MAGI3: variants seen among roughly 807,000 people sequenced by gnomAD.
The protein encoded by MAGI3 is membrane-associated guanylate kinase, WW and PDZ domain-containing protein 3.
In MAGI3, 43 loss-of-function variants were observed where a neutral mutation model predicts 121.8. The observed-to-expected ratio is 0.35, with a 90% CI of 0.28 to 0.46. MAGI3 has a LOEUF of 0.46. Among genes scored for constraint, MAGI3 ranks in the 20% least tolerant of loss-of-function variants. The pLI is 1.00. For synonymous variants in MAGI3, 553 were observed against 639.3 expected (o/e 0.86, Z 2.04); for missense variants, 1,547 against 1,797.3 (o/e 0.86, Z 2.52).
At position 113,422,396 on chromosome 1, in the gene MAGI3, C is replaced by T. The variant is rs1352098854; in HGVS notation, c.316+31047C>T. ...GGCACCTCTACTTGAGTTTTGCTCG[C>T]ACCTGCTGGGCTCGTTCTGCCCACT... On this transcript the variant is annotated intron_variant, in intron 1 of 20. Transcript: ENST00000307546. This position sits in a 1 kb window ranked among gnomAD's most constrained non-coding sequence, Gnocchi z 4.3. 6.6e-5 allele frequency among the ~76,000 whole-genome samples: 10 copies of T among 152,358 alleles called. No homozygotes were observed. In the South Asian group the frequency reaches 1.0e-3, roughly 16 times the overall value.
intron 9 of MAGI3, among the ~76,000 whole-genome samples, chr1:113,639,262 C>G (rs1042980613): frequency 1.3e-5 from 2 of 152,266 alleles, no homozygotes; most frequent in African/African-American, 4.8e-5. Flanking sequence ...CACTGTCTGG[C>G]ACTCCCTAGT....
At chr1:113,665,036 G>C (rs1187627070) in intron 16 of MAGI3, among the ~76,000 whole-genome samples, 2 of 151,922 alleles carry the variant, frequency 1.3e-5, no homozygotes, top group African/African-American at 2.4e-5. Context: ...TTAAACTCTT[G>C]AGGTTTTATT....
intron 1 of MAGI3, among the ~76,000 whole-genome samples, chr1:113,528,023 T>G (rs1658532077): frequency 6.6e-6 from 1 of 152,156 alleles, no homozygotes; most frequent in Non-Finnish European, 1.5e-5. Context: ...CAAAGTAAAT[T>G]GCAAATTTTA....
chr1:113,506,609 A>C (rs1657341881), intron 1 of MAGI3, among the ~76,000 whole-genome samples: 1 of 152,178 alleles, frequency 6.6e-6, no homozygotes, highest in Non-Finnish European at 1.5e-5. Flanking sequence ...TTTTATCCTC[A>C]AACAACCCTA....
At chr1:113,597,863 C>G (rs1235485978) in intron 6 of MAGI3, among the ~76,000 whole-genome samples, 1 of 152,128 alleles carries the variant, frequency 6.6e-6, no homozygotes, top group Non-Finnish European at 1.5e-5. Context: ...AAAAGGAGTT[C>G]TAAATCTTCA....
At chr1:113,653,447 C>T (rs1653285937) in intron 14 of MAGI3, among the ~76,000 whole-genome samples, 1 of 152,028 alleles carries the variant, frequency 6.6e-6, no homozygotes, top group Non-Finnish European at 1.5e-5. Flanking sequence ...TGGTGGGCAC[C>T]TGTAATCCCA....
Position 113,487,983 on chromosome 1 carries a change from A to G in MAGI3, c.317-61532A>G, listed in dbSNP as rs118074316. On this transcript the variant is annotated intron_variant, in intron 1 of 20. Transcript: ENST00000307546. ...AGGAACAAGCAACTGTAGAAATGGT[A>G]AAGTTATGATAGAGAACAAACTTGT... 1.2e-3 allele frequency among the ~76,000 whole-genome samples: 182 copies of G among 152,340 alleles called. 5 individuals carry two copies. The East Asian group carries it at 0.033, about 28-fold the overall frequency.
chr1:113,623,240 A>G (rs1400544963), intron 9 of MAGI3, among the ~76,000 whole-genome samples: 1 of 151,986 alleles, frequency 6.6e-6, no homozygotes, highest in African/African-American at 2.4e-5. Context: ...TAATAACCAC[A>G]TCATAGAAAA....
intron 6 of MAGI3, among the ~76,000 whole-genome samples, chr1:113,605,489 G>A (rs147378181): frequency 6.6e-6 from 1 of 152,230 alleles, no homozygotes; most frequent in Non-Finnish European, 1.5e-5. Context: ...AGTAGAAGTG[G>A]GGTAAAGTGA....
At chr1:113,394,211 A>G (rs1650974271) in intron 1 of MAGI3, among the ~76,000 whole-genome samples, 1 of 151,716 alleles carries the variant, frequency 6.6e-6, no homozygotes, top group Non-Finnish European at 1.5e-5. Context: ...ATAATCTTTA[A>G]TAGAGAATTG....
At chr1:113,611,479 C>T (rs1437012704) in intron 6 of MAGI3, among the ~76,000 whole-genome samples, 1 of 152,068 alleles carries the variant, frequency 6.6e-6, no homozygotes, top group East Asian at 1.9e-4. Context: ...CTCTTTCCTC[C>T]CTTCCCTTCC....
At chr1:113,614,714 C>T in intron 7 of MAGI3, 56 bp downstream of exon 7, 2 of 1,264,204 alleles carry the variant, frequency 1.6e-6, no homozygotes, top group South Asian at 2.6e-5. Flanking sequence ...CAGCATATAG[C>T]TTTAGAGAAT....
chr1:113,543,064 A>G (rs1659364144), intron 1 of MAGI3, among the ~76,000 whole-genome samples: 1 of 151,776 alleles, frequency 6.6e-6, no homozygotes, highest in South Asian at 2.1e-4. Context: ...GTATATAATA[A>G]TGATAATAAT....
rs777579725 is a variant in MAGI3, at chr1:113,683,977, TCA to T, written c.4412_4413del (p.Thr1471ArgfsTer7). On this transcript the variant is annotated frameshift_variant, in exon 21 of 21. Coordinates refer to ENST00000307546, the MANE Select transcript of MAGI3 (RefSeq NM_001142782.2). LOFTEE classifies it high-confidence loss of function. Reference sequence around the variant, plus strand: ...TGGAAGGTTCCAAGTGGAAATAAAGTCACAGGCACTATTGGTATGGCTGAGAA... The same window carrying T: ...TGGAAGGTTCCAAGTGGAAATAAAGTCAGGCACTATTGGTATGGCTGAGAA... The T allele has an allele frequency of 3.9e-5, 63 of 1,595,358 alleles. No homozygotes were observed. Among genetic ancestry groups the T allele is most frequent in the Non-Finnish European group, 4.9e-5 (58 of 1,173,374 alleles).
In MAGI3 at chr1:113,475,280, T is replaced by C. The variant is rs138206335; in HGVS notation, c.317-74235T>C. Among the ~76,000 whole-genome samples the C allele has an allele frequency of 2.3e-3, 346 of 152,248 alleles. 2 individuals carry two copies. The highest frequency in any genetic ancestry group is 8.0e-3 in the African/African-American group (332 of 41,562). ...CCAGAACTTCCAACACTGTGTCGAA[T>C]AGGAGTGGTGAGAGAGGGCATCCCT... On this transcript the variant is annotated intron_variant, in intron 1 of 20. Coordinates refer to ENST00000307546, the MANE Select transcript of MAGI3 (RefSeq NM_001142782.2).
intron 1 of MAGI3, among the ~76,000 whole-genome samples, chr1:113,430,199 G>C (rs1653232562): frequency 6.6e-6 from 1 of 152,130 alleles, no homozygotes; most frequent in African/African-American, 2.4e-5. Context: ...GTCTATGAAG[G>C]TGTTAGGACC....
chr1:113,514,130 T>C (rs1167233493), intron 1 of MAGI3, among the ~76,000 whole-genome samples: 1 of 152,050 alleles, frequency 6.6e-6, no homozygotes, highest in Admixed American at 6.6e-5. Flanking sequence ...AAACAACAGG[T>C]GCTGGAGAGG....
intron 5 of MAGI3, among the ~76,000 whole-genome samples, chr1:113,592,223 G>A (rs1648732596): frequency 6.6e-6 from 1 of 152,140 alleles, no homozygotes; most frequent in Admixed American, 6.5e-5. Context: ...AATATTTGCT[G>A]CTAGATAAAG....
intron 1 of MAGI3, among the ~76,000 whole-genome samples, chr1:113,411,142 A>G (rs1651954420): frequency 6.6e-6 from 1 of 152,166 alleles, no homozygotes; most frequent in Non-Finnish European, 1.5e-5. Flanking sequence ...TAAGCTACCA[A>G]TAAGTTACCA....
Sources: gnomAD v4.1 joint callset for allele counts (sites outside exome capture counted in the v4.1 genomes callset) on GRCh38, gnomAD v4.1.1 for gene constraint, Gnocchi (gnomAD v3.1) non-coding constraint, MANE v1.5 for transcripts, NCBI Gene and HGNC (gene_info 2026-07-23, HGNC 2026-07-21) for gene names.